The following PTAR1 variants were observed in gnomAD, a reference collection of about 807,000 sequenced individuals.
PTAR1 encodes protein prenyltransferase alpha subunit repeat containing 1.
PTAR1 carries 17 observed loss-of-function variants against 45.5 expected under a neutral mutation model. That is an observed-to-expected ratio of 0.37 (90% CI 0.26 to 0.56). The LOEUF (loss-of-function observed/expected upper bound fraction) is 0.56. Among genes scored for constraint, PTAR1 ranks in the 20% least tolerant of loss-of-function variants. The pLI is 0.77. For synonymous variants in PTAR1, 169 were observed against 171.3 expected, an observed-to-expected ratio of 0.99 and a Z score of 0.11; for missense variants, 391 against 476.3, an observed-to-expected ratio of 0.82 and a Z score of 1.67.
intron 1 of PTAR1, chr9:69,758,375 CTT>C (rs71987365): frequency 8.7e-4 from 129 of 148,408 alleles, no homozygotes; most frequent in Middle Eastern, 3.4e-3. Flanking sequence ...ATTTGTCCAA[CTT>C]TTTTTTTTTT....
chr9:69,752,628 C>CA (rs1277273011), intron 1 of PTAR1, among the ~76,000 whole-genome samples: 7 of 151,898 alleles, frequency 4.6e-5, no homozygotes, highest in African/African-American at 1.7e-4. Context: ...TTCTAAAATT[C>CA]AAAAAGAATA....
intron 5 of PTAR1, among the ~76,000 whole-genome samples, chr9:69,723,988 C>A (rs1410479258): frequency 6.6e-6 from 1 of 151,982 alleles, no homozygotes; most frequent in Non-Finnish European, 1.5e-5. Flanking sequence ...GTAATGCTGA[C>A]GTAAAAGCAA....
intron 4 of PTAR1, 24 bp downstream of exon 4, chr9:69,734,126 T>C: frequency 8.3e-7 from 1 of 1,206,586 alleles, no homozygotes; most frequent in South Asian, 1.2e-5. Context: ...TAAGTAAGAG[T>C]ACTATGTTGT....
In PTAR1 at chr9:69,714,823, C is replaced by A. The variant is rs1388389955; in HGVS notation, c.*3519G>T. 6.6e-6 allele frequency: 1 copy of A among 151,952 alleles called. No homozygotes were observed. Among genetic ancestry groups the A allele is most frequent in the South Asian group, 2.1e-4 (1 of 4,828 alleles). 9.4% of individuals were successfully genotyped at this position (151,952 alleles called of 1,614,324 possible). Reference sequence around the variant, plus strand: ...TTAAGAGGTAATAAAATGCTAAAATCTACAGAAGACAAAGGGGACATTAAT... The same window carrying A: ...TTAAGAGGTAATAAAATGCTAAAATATACAGAAGACAAAGGGGACATTAAT... On this transcript the variant is annotated 3_prime_UTR_variant, in exon 8 of 8. Transcript: ENST00000340434.
At chr9:69,719,755 TGTG>T (rs1432543405) in intron 6 of PTAR1, among the ~76,000 whole-genome samples, 1 of 152,206 alleles carries the variant, frequency 6.6e-6, no homozygotes, top group Non-Finnish European at 1.5e-5. Flanking sequence ...TCCAACAAAA[TGTG>T]GTCACTTTTT....
In PTAR1 at chr9:69,710,052, C is replaced by T. The variant is rs994151976; in HGVS notation, c.*8290G>A. On this transcript the variant is annotated 3_prime_UTR_variant, in exon 8 of 8. Transcript: ENST00000340434. ...AACAAGTGGATAATTCTATTAGATG[C>T]TTTTCTAAATATTCTGAATTTTTAA... is the stretch of plus-strand genomic sequence containing the variant. 1 of 152,048 alleles carries T rather than the reference C, an allele frequency of 6.6e-6. No homozygotes were observed. Among genetic ancestry groups the T allele is most frequent in the African/African-American group, 2.4e-5 (1 of 41,420 alleles). 9.4% of individuals were successfully genotyped at this position (152,048 alleles called of 1,614,324 possible). A position where few individuals can be genotyped will look rare whatever the true frequency, so the allele number is the denominator to read the frequency against.
intron 5 of PTAR1, among the ~76,000 whole-genome samples, chr9:69,731,085 C>A (rs1052060592): frequency 6.6e-6 from 1 of 152,134 alleles, no homozygotes; most frequent in East Asian, 1.9e-4. Context: ...GCGGCCACCC[C>A]TCCTGAAACT....
At chr9:69,750,669 C>T in intron 2 of PTAR1, 112 bp downstream of exon 2, 1 of 754,538 alleles carries the variant, frequency 1.3e-6, no homozygotes, top group Non-Finnish European at 2.0e-6. Flanking sequence ...AGACAGTGAA[C>T]AGAAGAAGCA....
At position 69,718,543 on chromosome 9, in the gene PTAR1, C is replaced by T; in HGVS notation, c.1008G>A (p.Met336Ile). The T allele has an allele frequency of 6.2e-7, 1 of 1,613,750 alleles. No homozygotes were observed. ...LNAGSQLSQA[M>I]EVDGLNDSSK... ...TAGAGTCATTCAGTCCATCTACTTC[C>T]ATTGCTTGAGACAGCTGGGAGCCTG... Residue 336 changes from methionine (M) to isoleucine (I), a missense_variant, in exon 8 of 8, where the codon ATG becomes ATA. Transcript: ENST00000340434.
In PTAR1 at chr9:69,718,326, G is replaced by A. The variant is rs369183242; in HGVS notation, c.*16C>T. The A allele has an allele frequency of 3.7e-5, 58 of 1,561,038 alleles. No individual in the cohort carries two copies. The highest frequency in any genetic ancestry group is 4.9e-5 in the Non-Finnish European group (56 of 1,145,462). ...TTGCACTAAAAGGGGAACCTTGTAG[G>A]ACTAATTCACCTCTTTCATTGACTC... On this transcript the variant is annotated 3_prime_UTR_variant, in exon 8 of 8. Coordinates refer to ENST00000340434, the MANE Select transcript of PTAR1 (RefSeq NM_001099666.2).
chr9:69,756,599 C>A (rs572944894), intron 1 of PTAR1, among the ~76,000 whole-genome samples: 1 of 152,138 alleles, frequency 6.6e-6, no homozygotes, highest in East Asian at 1.9e-4. Context: ...CCACACTTTG[C>A]TTGTTTAGGT....
intron 1 of PTAR1, among the ~76,000 whole-genome samples, chr9:69,759,598 G>A (rs1826985135): frequency 6.6e-6 from 1 of 152,208 alleles, no homozygotes; most frequent in Non-Finnish European, 1.5e-5. Context: ...AAGGTGGGGA[G>A]GGACAGAGAA....
At chr9:69,720,967 T>C (rs1362914695) in intron 6 of PTAR1, among the ~76,000 whole-genome samples, 3 of 152,230 alleles carry the variant, frequency 2.0e-5, no homozygotes, top group Admixed American at 6.5e-5. Flanking sequence ...TTCATGTTGC[T>C]TTCATGACTG....
intron 3 of PTAR1, among the ~76,000 whole-genome samples, chr9:69,740,816 C>T (rs894217988): frequency 2.0e-5 from 3 of 152,006 alleles, no homozygotes; most frequent in Non-Finnish European, 4.4e-5. Context: ...AAATACGAGT[C>T]ATATATGATT....
At chr9:69,739,606 G>A (rs1250337578) in intron 3 of PTAR1, among the ~76,000 whole-genome samples, 2 of 152,070 alleles carry the variant, frequency 1.3e-5, no homozygotes, top group Non-Finnish European at 2.9e-5. Context: ...ATCACTCAAT[G>A]CCTTCCAGGG....
rs78212045 is a variant in PTAR1, at chr9:69,751,793, C to A, written c.87-843G>T. On this transcript the variant is annotated intron_variant, in intron 1 of 7. Transcript: ENST00000340434. The stretch of plus-strand genomic sequence containing the variant: ...AACCACCCAAATAAATGTTAAAACA[C>A]AAAATACATTTCAGAATTCAATAAT... Among the ~76,000 whole-genome samples, 121 of 152,110 alleles carry A rather than the reference C, an allele frequency of 8.0e-4. 3 individuals carry two copies. The East Asian group carries it at 0.022, about 27-fold the overall frequency.
chr9:69,726,199 T>A (rs1825267838), intron 5 of PTAR1, among the ~76,000 whole-genome samples: 1 of 152,132 alleles, frequency 6.6e-6, no homozygotes, highest in Non-Finnish European at 1.5e-5. Flanking sequence ...AGATCACTAC[T>A]TGTAACATTC....
chr9:69,756,282 C>G (rs1320211710), intron 1 of PTAR1, among the ~76,000 whole-genome samples: 1 of 152,162 alleles, frequency 6.6e-6, no homozygotes, highest in African/African-American at 2.4e-5. Flanking sequence ...AGTTTAAATG[C>G]TATTGCCTCA....
intron 3 of PTAR1, among the ~76,000 whole-genome samples, chr9:69,735,768 A>G (rs1825759379): frequency 1.3e-5 from 2 of 152,118 alleles, no homozygotes; most frequent in South Asian, 2.1e-4. Context: ...GAGAAGTTTA[A>G]GCCAGAGAAA....
Sources: allele counts gnomAD v4.1 joint callset (sites outside exome capture counted in the v4.1 genomes callset), GRCh38; gene constraint gnomAD v4.1.1; transcripts MANE v1.5; gene names NCBI Gene and HGNC (gene_info 2026-07-23, HGNC 2026-07-21).